DPP10: variants seen among roughly 807,000 people sequenced by gnomAD.
DPP10 encodes the protein inactive dipeptidyl peptidase 10.
DPP10 carries 33 observed loss-of-function variants against 120.9 expected under a neutral mutation model. The observed-to-expected ratio is 0.27, with a 90% confidence interval of 0.21 to 0.37. The LOEUF (loss-of-function observed/expected upper bound fraction) is 0.37, where lower values mean the gene tolerates loss of function less well. DPP10 is among the 10% of genes least tolerant of loss of function. DPP10 has a pLI of 1.00. For synonymous variants in DPP10, 337 were observed against 326.1 expected, an observed-to-expected ratio of 1.03 and a Z score of -0.36; for missense variants, 816 against 942.8, an observed-to-expected ratio of 0.87 and a Z score of 1.76.
At chr2:115,207,107 C>T (rs1238574056) in intron 1 of DPP10, among the ~76,000 whole-genome samples, 3 of 152,142 alleles carry the variant, frequency 2.0e-5, no homozygotes, top group Non-Finnish European at 2.9e-5. Context: ...GTAATTTTAA[C>T]TAGACCAAAC....
At chr2:115,205,618 G>A (rs2056067362) in intron 1 of DPP10, among the ~76,000 whole-genome samples, 1 of 152,092 alleles carries the variant, frequency 6.6e-6, no homozygotes, top group African/African-American at 2.4e-5. Context: ...CAAAGACATG[G>A]AATTAACCTC....
chr2:115,804,689 AG>A (rs1206766258), intron 19 of DPP10, among the ~76,000 whole-genome samples: 2 of 152,200 alleles, frequency 1.3e-5, no homozygotes, highest in Non-Finnish European at 2.9e-5. Context: ...AGTTTACTGG[AG>A]GTCCACTCCA....
chr2:115,424,605 T>G (rs1282591929), intron 3 of DPP10, among the ~76,000 whole-genome samples: 4 of 152,072 alleles, frequency 2.6e-5, no homozygotes, highest in African/African-American at 9.7e-5. Context: ...TTGCCTCAGT[T>G]TTATATTTCT....
At chr2:115,330,700 C>T (rs1195743391) in intron 2 of DPP10, among the ~76,000 whole-genome samples, 1 of 151,996 alleles carries the variant, frequency 6.6e-6, no homozygotes, top group African/African-American at 2.4e-5. Flanking sequence ...GAATCCTTTC[C>T]CCATTGCTTG....
intron 1 of DPP10, among the ~76,000 whole-genome samples, chr2:115,070,670 T>C (rs777021077): frequency 2.6e-5 from 4 of 152,162 alleles, no homozygotes; most frequent in Admixed American, 2.0e-4. Context: ...ATATAGTATA[T>C]GATTATAGAA....
intron 5 of DPP10, among the ~76,000 whole-genome samples, chr2:115,556,380 T>TC (rs2080214557): frequency 6.6e-6 from 1 of 150,830 alleles, no homozygotes; most frequent in African/African-American, 2.4e-5. Context: ...TTTTTTTTTT[T>TC]TTCTCATCAG....
At chr2:114,804,683 C>A (rs1193877138) in intron 1 of DPP10, among the ~76,000 whole-genome samples, 3 of 152,188 alleles carry the variant, frequency 2.0e-5, no homozygotes, top group African/African-American at 7.2e-5. Context: ...CCCATGGAAA[C>A]AGCTACATTT....
chr2:114,497,326 T>C (rs868529102), intron 1 of DPP10, among the ~76,000 whole-genome samples: 4 of 21,740 alleles, frequency 1.8e-4, no homozygotes, highest in Non-Finnish European at 4.0e-4. Flanking sequence ...CATGTATACG[T>C]GTATACATGT....
At chr2:115,209,719 A>G (rs929547076) in intron 1 of DPP10, among the ~76,000 whole-genome samples, 1 of 152,192 alleles carries the variant, frequency 6.6e-6, no homozygotes, top group Non-Finnish European at 1.5e-5. Context: ...ATTTAACTCG[A>G]TAACTGCAAA....
chr2:115,220,259 A>G (rs2057068153), intron 1 of DPP10, among the ~76,000 whole-genome samples: 1 of 152,166 alleles, frequency 6.6e-6, no homozygotes, highest in East Asian at 1.9e-4. Flanking sequence ...GTTGGTAGCT[A>G]TCAAAATTGT....
intron 1 of DPP10, chr2:115,050,276 T>TC (rs1183751680): frequency 1.3e-5 from 2 of 152,190 alleles, no homozygotes; most frequent in Admixed American, 6.6e-5. Flanking sequence ...CCCATACTCC[T>TC]CATCTTAGTG....
chr2:115,213,248 G>T (rs891126449), intron 1 of DPP10, among the ~76,000 whole-genome samples: 1 of 152,132 alleles, frequency 6.6e-6, no homozygotes, highest in African/African-American at 2.4e-5. Context: ...ATGAGTAAAA[G>T]ACATACCTTA....
chr2:114,498,335 G>T (rs1235011417), intron 1 of DPP10, among the ~76,000 whole-genome samples: 3 of 151,902 alleles, frequency 2.0e-5, no homozygotes, highest in Non-Finnish European at 4.4e-5. Context: ...CCCCTCCCCT[G>T]CCAGGCTTTG....
intron 1 of DPP10, among the ~76,000 whole-genome samples, chr2:115,173,353 C>T (rs2053487152): frequency 6.6e-6 from 1 of 152,058 alleles, no homozygotes; most frequent in Non-Finnish European, 1.5e-5. Flanking sequence ...AAGGAAAACA[C>T]AGGACAAAGC....
chr2:115,601,322 G>T (rs1481673667), intron 5 of DPP10, among the ~76,000 whole-genome samples: 1 of 152,036 alleles, frequency 6.6e-6, no homozygotes, highest in Non-Finnish European at 1.5e-5. Context: ...GTTTTTTAAG[G>T]GGTTGGTTTC....
chr2:114,965,326 G>A (rs575055808), intron 1 of DPP10, among the ~76,000 whole-genome samples: 36 of 147,394 alleles, frequency 2.4e-4, no homozygotes, highest in African/African-American at 7.5e-4. Context: ...TAGTAGGGAC[G>A]GGGTTTCACC....
At chr2:115,596,420 A>G (rs1272594206) in intron 5 of DPP10, among the ~76,000 whole-genome samples, 1 of 152,134 alleles carries the variant, frequency 6.6e-6, no homozygotes, top group East Asian at 1.9e-4. Flanking sequence ...AAGACAAGTA[A>G]TTAGAGCTCT....
chr2:114,581,932 A>C (rs533179875), intron 1 of DPP10, among the ~76,000 whole-genome samples: 1 of 152,176 alleles, frequency 6.6e-6, no homozygotes, highest in Non-Finnish European at 1.5e-5. Flanking sequence ...AGGTACACTT[A>C]TTCCAATTGA....
intron 3 of DPP10, among the ~76,000 whole-genome samples, chr2:115,492,076 TA>T (rs774190910): frequency 6.6e-4 from 100 of 152,074 alleles, no homozygotes; most frequent in Non-Finnish European, 1.3e-3. Context: ...CAGCAATCAA[TA>T]AATAAATAAG....
Sources: allele counts gnomAD v4.1 joint callset (sites outside exome capture counted in the v4.1 genomes callset), GRCh38; gene constraint gnomAD v4.1.1; transcripts MANE v1.5; gene names NCBI Gene and HGNC (gene_info 2026-07-23, HGNC 2026-07-21).